Variants in ELMO1 observed in about 807,000 individuals in gnomAD.
ELMO1 encodes engulfment and cell motility 1.
In ELMO1, 26 loss-of-function variants were observed where a neutral mutation model predicts 98.9. That is an observed-to-expected ratio of 0.26 (90% CI 0.19 to 0.36). The LOEUF is 0.36. Ranked by LOEUF, ELMO1 falls within the 10% of genes least tolerant of loss-of-function variation. ELMO1 has a pLI of 1.00. For synonymous variants in ELMO1, 346 were observed against 346.0 expected (o/e 1.00, Z 0.00); for missense variants, 627 against 935.2 (o/e 0.67, Z 4.30).
intron 13 of ELMO1, among the ~76,000 whole-genome samples, chr7:37,182,060 CCCA>C: frequency 6.6e-6 from 1 of 152,042 alleles, no homozygotes; most frequent in Non-Finnish European, 1.5e-5. Flanking sequence ...ATCCGTTTTG[CCCA>C]AACTTGGATC....
At chr7:37,026,099 G>A (rs1036660556) in intron 15 of ELMO1, among the ~76,000 whole-genome samples, 2 of 152,070 alleles carry the variant, frequency 1.3e-5, no homozygotes, top group Non-Finnish European at 2.9e-5. Flanking sequence ...CTTTCTTTAC[G>A]AGGAAAATTA....
intron 16 of ELMO1, among the ~76,000 whole-genome samples, chr7:36,943,584 T>C (rs558830881): frequency 4.6e-5 from 7 of 152,244 alleles, no homozygotes; most frequent in Non-Finnish European, 8.8e-5. Flanking sequence ...CATAGAACCA[T>C]GTACAACTGC....
At chr7:37,440,019 T>C (rs28367512) in intron 1 of ELMO1, among the ~76,000 whole-genome samples, 2 of 152,058 alleles carry the variant, frequency 1.3e-5, no homozygotes, top group Admixed American at 1.3e-4. Flanking sequence ...CACACACACA[T>C]ATATGTACAA....
chr7:37,430,663 A>G (rs917419681), intron 1 of ELMO1, among the ~76,000 whole-genome samples: 1 of 152,244 alleles, frequency 6.6e-6, no homozygotes, highest in Admixed American at 6.5e-5. Flanking sequence ...GCCTCTGGCC[A>G]CAGAATTTTG....
At chr7:37,004,024 C>T (rs1386351925) in intron 16 of ELMO1, among the ~76,000 whole-genome samples, 2 of 152,084 alleles carry the variant, frequency 1.3e-5, no homozygotes, top group Admixed American at 6.5e-5. Context: ...GTGTTCTTAA[C>T]CTCCCATGTA....
chr7:37,431,864 TTTTGTTTG>T (rs767247346), intron 1 of ELMO1, among the ~76,000 whole-genome samples: 12 of 152,066 alleles, frequency 7.9e-5, no homozygotes, highest in East Asian at 1.9e-4. Context: ...GAAGTTTGTT[TTTTGTTTG>T]TTTGTTTGTT....
intron 20 of ELMO1, among the ~76,000 whole-genome samples, chr7:36,866,296 A>G (rs77917352): frequency 0.025 from 3,798 of 152,316 alleles, 110 homozygotes; most frequent in South Asian, 0.13. Flanking sequence ...TCAAGTCTCA[A>G]TGAGAAACTT....
intron 17 of ELMO1, among the ~76,000 whole-genome samples, chr7:36,893,705 G>T (rs1449148082): frequency 6.6e-6 from 1 of 152,136 alleles, no homozygotes; most frequent in Non-Finnish European, 1.5e-5. Context: ...TAGACTCGAG[G>T]CTCAGTCCCG....
chr7:37,319,179 T>C (rs1007971999), intron 2 of ELMO1, among the ~76,000 whole-genome samples: 8 of 152,204 alleles, frequency 5.3e-5, no homozygotes, highest in Non-Finnish European at 2.9e-5. Context: ...AGGTATCTTA[T>C]TAAAAGTGGA....
At chr7:37,192,162 G>A (rs1791624530) in intron 13 of ELMO1, among the ~76,000 whole-genome samples, 1 of 152,158 alleles carries the variant, frequency 6.6e-6, no homozygotes, top group Non-Finnish European at 1.5e-5. Context: ...CCATAGGGAT[G>A]TGTCACATTG....
At position 36,891,472 on chromosome 7, in the gene ELMO1, T is replaced by A. The variant is rs530861756; in HGVS notation, c.1601+3382A>T. ...ATTCCTGGCTTTGTTTTTGCTTTTC[T>A]TTCCCATGGATTTCTATTGTCCTTT... is the stretch of plus-strand genomic sequence containing the variant. On this transcript the variant is annotated intron_variant, in intron 17 of 21. Transcript: ENST00000310758. Among the ~76,000 whole-genome samples the A allele has an allele frequency of 2.0e-5, 3 of 152,376 alleles. No individual in the cohort carries two copies. In the East Asian group the frequency reaches 5.8e-4, roughly 29 times the overall value.
At chr7:37,234,649 C>T (rs542480975) in intron 7 of ELMO1, among the ~76,000 whole-genome samples, 31 of 152,040 alleles carry the variant, frequency 2.0e-4, no homozygotes, top group African/African-American at 7.0e-4. Flanking sequence ...CCATCCTATG[C>T]TTCTCTTTCC....
chr7:37,082,298 A>ATT (rs113283586), intron 15 of ELMO1, among the ~76,000 whole-genome samples: 3 of 148,952 alleles, frequency 2.0e-5, no homozygotes, highest in African/African-American at 4.9e-5. Flanking sequence ...AAACAGAGGG[A>ATT]TTTTTTTTTT....
At chr7:36,904,295 T>C (rs1783798395) in intron 16 of ELMO1, among the ~76,000 whole-genome samples, 1 of 152,222 alleles carries the variant, frequency 6.6e-6, no homozygotes, top group Non-Finnish European at 1.5e-5. Flanking sequence ...GCCAAACAGA[T>C]GGCACTGAAG....
At chr7:37,109,721 C>T (rs1407186094) in intron 14 of ELMO1, among the ~76,000 whole-genome samples, 1 of 152,134 alleles carries the variant, frequency 6.6e-6, no homozygotes, top group Non-Finnish European at 1.5e-5. Flanking sequence ...GTTCTGATTC[C>T]AAGTCCCCCA....
chr7:36,983,824 C>T (rs980792887), intron 16 of ELMO1, among the ~76,000 whole-genome samples: 1 of 152,036 alleles, frequency 6.6e-6, no homozygotes, highest in Admixed American at 6.6e-5. Context: ...CTTGCTTTAC[C>T]CTAAAATGCC....
At chr7:37,438,314 G>A (rs960988901) in intron 1 of ELMO1, among the ~76,000 whole-genome samples, 3 of 151,920 alleles carry the variant, frequency 2.0e-5, no homozygotes, top group South Asian at 2.1e-4. Context: ...CGGGCCGGGC[G>A]CGGTGGCTCA....
chr7:37,190,040 CA>C lies in ELMO1; in HGVS notation c.1086+21345del, dbSNP rs34898853. 2.1e-3 allele frequency among the ~76,000 whole-genome samples: 283 copies of C among 135,786 alleles called. 2 individuals carry two copies. The highest frequency in any genetic ancestry group is 7.0e-3 in the African/African-American group (258 of 36,778). 89.1% of individuals were successfully genotyped at this position (135,786 alleles called of 152,430 possible). A position where few individuals can be genotyped will look rare whatever the true frequency, so the allele number is the denominator to read the frequency against. Reference sequence around the variant, plus strand: ...AGACATTTTATCGTTTTGTCCCTACCAAAAAAAAAAAAAAAGGAAGAAGAAA... The same window carrying C: ...AGACATTTTATCGTTTTGTCCCTACCAAAAAAAAAAAAAAGGAAGAAGAAA... On this transcript the variant is annotated intron_variant, in intron 13 of 21. Coordinates refer to ENST00000310758, the MANE Select transcript of ELMO1 (RefSeq NM_014800.11).
chr7:37,130,520 G>A (rs1351576161), intron 14 of ELMO1, among the ~76,000 whole-genome samples: 1 of 152,200 alleles, frequency 6.6e-6, no homozygotes, highest in Non-Finnish European at 1.5e-5. Context: ...AGTGTCAGGT[G>A]TCAAGGGCAA....
Sources: gnomAD v4.1 joint callset for allele counts (sites outside exome capture counted in the v4.1 genomes callset) on GRCh38, gnomAD v4.1.1 for gene constraint, MANE v1.5 for transcripts, NCBI Gene and HGNC (gene_info 2026-07-23, HGNC 2026-07-21) for gene names.